ZNF610: variants seen among roughly 807,000 people sequenced by gnomAD.
The protein encoded by ZNF610 is zink finger protein.
ZNF610 carries 14 observed loss-of-function variants against 14.1 expected under a neutral mutation model. The ratio of observed to expected loss-of-function variants is 0.99; its 90% confidence interval spans 0.65 to 1.55. ZNF610 has a LOEUF of 1.55. Among genes scored for constraint, ZNF610 ranks in the 40% most tolerant of loss-of-function variants. ZNF610 has a pLI of 0.00. For synonymous variants in ZNF610, 185 were observed against 187.6 expected (o/e 0.99, Z 0.11); for missense variants, 530 against 558.0 (o/e 0.95, Z 0.51).
chr19:52,332,399 A>C (rs185870096), upstream of ZNF610, among the ~76,000 whole-genome samples: 20 of 152,334 alleles, frequency 1.3e-4, no homozygotes, highest in East Asian at 3.9e-3. This position sits in a 1 kb window ranked among gnomAD's most constrained non-coding sequence, Gnocchi z 4.1. Context: ...AAAGGTTTTA[A>C]AGTTGATTCT....
intron 1 of ZNF610, among the ~76,000 whole-genome samples, chr19:52,344,595 G>A (rs1473454715): frequency 6.6e-6 from 1 of 152,156 alleles, no homozygotes; most frequent in African/African-American, 2.4e-5. Context: ...TCAATACTCA[G>A]GTGGAGGCCA....
chr19:52,336,315 A>G lies in ZNF610; in HGVS notation c.-449A>G, dbSNP rs1540745. ...GTCAGTTTCCCTTTGTTTAGATTCA[A>G]TCTGGGCTTCCCAGCTCCCCCGCGC... On this transcript the variant is annotated 5_prime_UTR_variant, in exon 1 of 6. Coordinates refer to ENST00000403906, the MANE Select transcript of ZNF610 (RefSeq NM_001161425.2). 164,767 of 288,362 alleles carry G rather than the reference A, an allele frequency of 0.57. 47,784 individuals are homozygous for G. Among genetic ancestry groups the G allele is most frequent in the Non-Finnish European group, 0.59 (90,723 of 152,870 alleles). 17.9% of individuals were successfully genotyped at this position (288,362 alleles called of 1,614,324 possible). A position where few individuals can be genotyped will look rare whatever the true frequency, so the allele number is the denominator to read the frequency against.
chr19:52,367,038 C>T lies in ZNF610; in HGVS notation c.*271C>T. The T allele has an allele frequency of 2.6e-6, 1 of 386,808 alleles. No homozygotes were observed. The allele number at this position is 386,808 out of a possible 1,614,324, so 24.0% of individuals were successfully genotyped here. A position where few individuals can be genotyped will look rare whatever the true frequency, so the allele number is the denominator to read the frequency against. ...ATTCTTGAGTAGGATTCACATTTAA[C>T]TGCTGGCACCGTAATTTGTAACTCT... On this transcript the variant is annotated 3_prime_UTR_variant, in exon 6 of 6. Coordinates refer to ENST00000403906, the MANE Select transcript of ZNF610 (RefSeq NM_001161425.2).
chr19:52,336,560 C>T (rs170414), intron 1 of ZNF610, 54 bp downstream of exon 1: 97,612 of 157,266 alleles, frequency 0.62, 30,554 homozygotes, highest in African/African-American at 0.65. Flanking sequence ...ACTGACCCAA[C>T]GTCCTGCCCC....
At chr19:52,335,644 T>C (rs745790892), upstream of ZNF610, among the ~76,000 whole-genome samples, 1 of 152,088 alleles carries the variant, frequency 6.6e-6, no homozygotes, top group Admixed American at 6.5e-5. Flanking sequence ...CTAGACGGGC[T>C]TAACCTCCCA....
In ZNF610 at chr19:52,353,728, A is replaced by C. The variant is rs1600235832; in HGVS notation, c.110A>C (p.Glu37Ala). ...MDVAIEFSQE[E>A]WKSLDPGQRA... The stretch of plus-strand genomic sequence containing the variant: ...GTGGCCATCGAATTCTCTCAGGAGG[A>C]GTGGAAATCCCTGGACCCTGGACAG... The change falls in exon 4 of 6, where the codon GAG (glutamate) becomes GCG (alanine). Residue 37 changes from glutamate to alanine, a missense_variant. Physicochemically the swap from Glu to Ala is moderately radical, Grantham distance 107. Transcript: ENST00000403906. 6.2e-7 allele frequency: 1 copy of C among 1,613,900 alleles called. No individual in the cohort carries two copies. Among genetic ancestry groups the C allele is most frequent in the African/African-American group, 1.3e-5 (1 of 74,984 alleles).
In ZNF610 at chr19:52,366,011, A is replaced by C. The variant is rs1396309893; in HGVS notation, c.633A>C (p.Glu211Asp). 6.2e-7 allele frequency: 1 copy of C among 1,614,152 alleles called. No individual in the cohort carries two copies. Among genetic ancestry groups the C allele is most frequent in the Non-Finnish European group, 8.5e-7 (1 of 1,180,030 alleles). ...SYEYECSEDG[E>D]VFRVRASLTN... is the part of the protein sequence containing the mutation. ...AATATGAATGTAGTGAAGATGGTGA[A>C]GTTTTTAGAGTCCGTGCAAGCCTTA... Residue 211 changes from glutamate (E) to aspartate (D), a missense_variant, in exon 6 of 6, where the codon GAA becomes GAC. Physicochemically the swap from Glu to Asp is conservative, Grantham distance 45 (BLOSUM62 2). Coordinates refer to ENST00000403906, the MANE Select transcript of ZNF610 (RefSeq NM_001161425.2).
chr19:52,354,501 C>T (rs1985427783), intron 5 of ZNF610, 122 bp downstream of exon 5: 3 of 1,129,442 alleles, frequency 2.7e-6, no homozygotes, highest in Admixed American at 2.8e-5. Context: ...CAGCCTCAAA[C>T]TCCTGGACTC....
chr19:52,362,603 C>G (rs371632995), intron 5 of ZNF610, among the ~76,000 whole-genome samples: 2 of 152,120 alleles, frequency 1.3e-5, no homozygotes, highest in East Asian at 3.9e-4. Flanking sequence ...TTTATAAGTT[C>G]TGGTGTGTTC....
intron 2 of ZNF610, among the ~76,000 whole-genome samples, chr19:52,348,481 C>G (rs1285329963): frequency 6.6e-6 from 1 of 152,020 alleles, no homozygotes; most frequent in African/African-American, 2.4e-5. Flanking sequence ...GACTGAGGGC[C>G]GAGTGTAGAC....
At position 52,367,112 on chromosome 19, in the gene ZNF610, A is replaced by AC. The variant is rs1986140583; in HGVS notation, c.*345_*346insC. On this transcript the variant is annotated 3_prime_UTR_variant, in exon 6 of 6. Coordinates refer to ENST00000403906, the MANE Select transcript of ZNF610 (RefSeq NM_001161425.2). ...TCATGTTTTAAGTAATAAAGTTTAAAGTTTTTTTTTAGTTTTTTCTTTTTT... is the reference window on the plus strand; with the variant it reads ...TCATGTTTTAAGTAATAAAGTTTAAACGTTTTTTTTTAGTTTTTTCTTTTTT... 8 of 117,894 alleles carry AC rather than the reference A, an allele frequency of 6.8e-5. No homozygotes were observed. In the South Asian group the frequency reaches 3.2e-3, roughly 47 times the overall value. 7.3% of individuals were successfully genotyped at this position (117,894 alleles called of 1,614,324 possible).
At chr19:52,338,032 C>T (rs1479458136) in intron 1 of ZNF610, among the ~76,000 whole-genome samples, 1 of 152,216 alleles carries the variant, frequency 6.6e-6, no homozygotes, top group Non-Finnish European at 1.5e-5. Flanking sequence ...TTACTTCCCA[C>T]CCACAAGCAG....
chr19:52,366,190 G>C lies in ZNF610; in HGVS notation c.812G>C (p.Arg271Pro). Residue 271 changes from arginine (R) to proline (P), a missense_variant, in exon 6 of 6, where the codon CGC (arginine) becomes CCC (proline). Arg to Pro is a moderately radical substitution (Grantham distance 103). Coordinates refer to ENST00000403906, the MANE Select transcript of ZNF610 (RefSeq NM_001161425.2). ...AGTGAATGTGACAAGGTGTTTAATCGCAATTCAAACCTTGCACGACATCAA... is the reference window on the plus strand; with the variant it reads ...AGTGAATGTGACAAGGTGTTTAATCCCAATTCAAACCTTGCACGACATCAA... ...KCSECDKVFN[R>P]NSNLARHQRI... The C allele has an allele frequency of 6.2e-7, 1 of 1,613,564 alleles. No individual in the cohort carries two copies. Among genetic ancestry groups the C allele is most frequent in the Non-Finnish European group, 8.5e-7 (1 of 1,179,694 alleles).
intron 1 of ZNF610, among the ~76,000 whole-genome samples, chr19:52,346,379 G>C (rs548963843): frequency 1.4e-5 from 2 of 146,410 alleles, no homozygotes; most frequent in South Asian, 2.1e-4. Flanking sequence ...TGGTCAGTCT[G>C]GTGTCGAACT....
intron 3 of ZNF610, among the ~76,000 whole-genome samples, chr19:52,349,759 C>T (rs1417284436): frequency 3.3e-5 from 5 of 151,872 alleles, no homozygotes; most frequent in African/African-American, 4.8e-5. Flanking sequence ...TTAGTAGAGA[C>T]GGGGCTTCAC....
rs750273495 is a variant in ZNF610 at position 52,366,296 on chromosome 19, T to C, written c.918T>C (p.His306=). 6.2e-7 allele frequency: 1 copy of C among 1,613,332 alleles called. No individual in the cohort carries two copies. Among genetic ancestry groups the C allele is most frequent in the South Asian group, 1.1e-5 (1 of 91,000 alleles). The change falls in exon 6 of 6, where the codon CAT becomes CAC. Residue 306 remains histidine, a synonymous_variant. Transcript: ENST00000403906. The part of the protein sequence containing the change: ...AFRECSGLTT[H]LVIHTGEKPY... ...GAGAGTGTTCGGGACTTACTACCCA[T>C]CTTGTAATCCATACTGGAGAGAAAC... is the stretch of plus-strand genomic sequence containing the variant.
chr19:52,351,139 A>C (rs1055587175), intron 3 of ZNF610, among the ~76,000 whole-genome samples: 1 of 151,930 alleles, frequency 6.6e-6, no homozygotes, highest in African/African-American at 2.4e-5. Flanking sequence ...TTACATCCTC[A>C]TGTGAACGTT....
At chr19:52,355,598 G>C (rs2122245117) in intron 5 of ZNF610, among the ~76,000 whole-genome samples, 1 of 152,320 alleles carries the variant, frequency 6.6e-6, no homozygotes, top group East Asian at 1.9e-4. Flanking sequence ...CTAAGGGTTG[G>C]GTTCCCAAGC....
intron 4 of ZNF610, 57 bp from the exon 5 acceptor site, chr19:52,354,194 A>G (rs1985406783): frequency 1.9e-6 from 3 of 1,598,516 alleles, no homozygotes; most frequent in Non-Finnish European, 2.6e-6. Flanking sequence ...ACCTAAACAC[A>G]GGGTTTGGGT....
Sources: gnomAD v4.1 joint callset for allele counts (sites outside exome capture counted in the v4.1 genomes callset) on GRCh38, gnomAD v4.1.1 for gene constraint, Gnocchi (gnomAD v3.1) non-coding constraint, MANE v1.5 for transcripts, NCBI Gene and HGNC (gene_info 2026-07-23, HGNC 2026-07-21) for gene names.